WDR72: variants seen among roughly 807,000 people sequenced by gnomAD.
The protein encoded by WDR72 is WD repeat domain 72, also known as WD repeat-containing protein 72.
WDR72 carries 120 observed loss-of-function variants against 124.2 expected under a neutral mutation model. The observed-to-expected ratio is 0.97, with a 90% CI of 0.83 to 1.12. The LOEUF (loss-of-function observed/expected upper bound fraction) is 1.12, where lower values mean the gene tolerates loss of function less well. WDR72 is among the 50% of genes most tolerant of loss of function. The pLI, the probability that WDR72 is intolerant of heterozygous loss-of-function variation, is 0.00. For missense variants in WDR72, 1,387 were observed against 1,278.8 expected (o/e 1.08, Z -1.29); for synonymous variants, 452 against 441.7 (o/e 1.02, Z -0.29).
At chr15:53,711,279 CT>C in intron 8 of WDR72, 56 bp downstream of exon 8, 1 of 1,612,156 alleles carries the variant, frequency 6.2e-7, no homozygotes, top group Non-Finnish European at 8.5e-7. Context: ...CATAATAAAC[CT>C]CCCAAAGTTC....
intron 14 of WDR72, among the ~76,000 whole-genome samples, chr15:53,657,115 T>G (rs2015450344): frequency 6.6e-6 from 1 of 151,418 alleles, no homozygotes; most frequent in Non-Finnish European, 1.5e-5. Flanking sequence ...ATACAAAAAA[T>G]TAGCCGGTTG....
At position 53,722,924 on chromosome 15, in the gene WDR72, G is replaced by C; in HGVS notation, c.154-16C>G. On this transcript the variant is annotated splice_polypyrimidine_tract_variant and intron_variant, in intron 2 of 19. Transcript: ENST00000360509. The stretch of plus-strand genomic sequence containing the variant: ...TCGCTGAAATCTGAAAATAATGAGA[G>C]TGAGCTTTTAAATAATTGTAAACTG... 2 of 1,600,876 alleles carry C rather than the reference G, an allele frequency of 1.2e-6. No homozygotes were observed. Among genetic ancestry groups the C allele is most frequent in the Non-Finnish European group, 1.7e-6 (2 of 1,168,164 alleles).
chr15:53,550,670 G>A (rs1893692333), intron 18 of WDR72, among the ~76,000 whole-genome samples: 1 of 152,220 alleles, frequency 6.6e-6, no homozygotes, highest in Admixed American at 6.5e-5. Context: ...AATGGTTAGA[G>A]ACTTGCTGTA....
chr15:53,723,058 T>C, intron 2 of WDR72, 150 bp from the exon 3 acceptor site: 2 of 733,742 alleles, frequency 2.7e-6, no homozygotes, highest in South Asian at 1.6e-5. Context: ...AATAACAACA[T>C]CCACAGAGTA....
rs769465030 is a variant in WDR72 at position 53,609,604 on chromosome 15, C to A, written c.2873-12G>T. ...GGATTCATTCTTACCTAGAAATATA[C>A]AGAACACACTTGTATCTTTAGAGTA... On this transcript the variant is annotated splice_polypyrimidine_tract_variant and intron_variant, in intron 16 of 19. Transcript: ENST00000360509. 6.2e-7 allele frequency: 1 copy of A among 1,606,188 alleles called. No homozygotes were observed. Among genetic ancestry groups the A allele is most frequent in the Non-Finnish European group, 8.5e-7 (1 of 1,173,132 alleles).
intron 4 of WDR72, among the ~76,000 whole-genome samples, chr15:53,716,274 A>G (rs759256166): frequency 6.6e-6 from 1 of 152,224 alleles, no homozygotes; most frequent in Non-Finnish European, 1.5e-5. Flanking sequence ...TGTGTGCTTT[A>G]TAAGACAGCA....
chr15:53,546,905 A>G (rs1175242807), intron 18 of WDR72, among the ~76,000 whole-genome samples: 1 of 152,204 alleles, frequency 6.6e-6, no homozygotes, highest in Non-Finnish European at 1.5e-5. Context: ...TAAACAAGTA[A>G]TTCTCTGGAA....
intron 2 of WDR72, 101 bp downstream of exon 2, chr15:53,732,896 T>A: frequency 7.1e-7 from 1 of 1,407,342 alleles, no homozygotes; most frequent in Non-Finnish European, 1.0e-6. Flanking sequence ...AACATCTTTT[T>A]AACAATCATG....
At chr15:53,628,462 A>G (rs1397381117) in intron 14 of WDR72, among the ~76,000 whole-genome samples, 1 of 152,144 alleles carries the variant, frequency 6.6e-6, no homozygotes, top group East Asian at 1.9e-4. Flanking sequence ...TTATTTAATG[A>G]TTAGCCGGCA....
intron 14 of WDR72, among the ~76,000 whole-genome samples, chr15:53,660,668 T>C (rs1470959685): frequency 3.3e-5 from 5 of 152,188 alleles, no homozygotes; most frequent in Non-Finnish European, 2.9e-5. Context: ...CAATTTTATA[T>C]GCTTAGATAA....
At chr15:53,547,425 C>T (rs1713253217) in intron 18 of WDR72, among the ~76,000 whole-genome samples, 1 of 152,162 alleles carries the variant, frequency 6.6e-6, no homozygotes, top group African/African-American at 2.4e-5. Flanking sequence ...AGCCACCGTG[C>T]CTGGCCTGTT....
At chr15:53,620,502 C>G (rs915418658) in intron 14 of WDR72, among the ~76,000 whole-genome samples, 1 of 151,942 alleles carries the variant, frequency 6.6e-6, no homozygotes, top group South Asian at 2.1e-4. Context: ...TAAATACTTA[C>G]AGCCAACTGA....
At chr15:53,591,454 T>C (rs1352185571) in intron 18 of WDR72, among the ~76,000 whole-genome samples, 2 of 152,050 alleles carry the variant, frequency 1.3e-5, no homozygotes, top group Non-Finnish European at 2.9e-5. Context: ...TCTGCCTAAC[T>C]GTAGCTTCCT....
At chr15:53,655,347 C>T (rs1054711303) in intron 14 of WDR72, among the ~76,000 whole-genome samples, 1 of 144,622 alleles carries the variant, frequency 6.9e-6, no homozygotes, top group African/African-American at 2.5e-5. Flanking sequence ...TGGTAATTAA[C>T]AATTTTGGAC....
Position 53,714,502 on chromosome 15 carries a change from G to A in WDR72, c.523C>T (p.Leu175Phe), listed in dbSNP as rs767897173. Residue 175 changes from leucine (L) to phenylalanine (F), a missense_variant, in exon 6 of 20, where the codon CTC becomes TTC. Coordinates refer to ENST00000360509, the MANE Select transcript of WDR72 (RefSeq NM_182758.4). ...TCACCAGCTACTGATACCACCAAGA[G>A]AGAATCTTCTGTGAAAATAATAAAA... ...VHSMRIQEDS[L>F]LVVSVAGELK... The A allele has an allele frequency of 6.2e-7, 1 of 1,613,058 alleles. No homozygotes were observed. The highest frequency in any genetic ancestry group is 8.5e-7 in the Non-Finnish European group (1 of 1,179,150).
intron 12 of WDR72, among the ~76,000 whole-genome samples, chr15:53,700,407 C>A (rs191368047): frequency 6.6e-6 from 1 of 152,260 alleles, no homozygotes; most frequent in East Asian, 1.9e-4. Flanking sequence ...TATACAGGTT[C>A]TAATCCAAAC....
intron 14 of WDR72, among the ~76,000 whole-genome samples, chr15:53,625,783 G>A (rs573337957): frequency 7.0e-6 from 1 of 143,384 alleles, no homozygotes; most frequent in African/African-American, 2.7e-5. Flanking sequence ...AAACAGAAAG[G>A]ACCAACTGTT....
intron 13 of WDR72, among the ~76,000 whole-genome samples, chr15:53,696,880 G>A (rs1226986721): frequency 2.0e-5 from 3 of 152,172 alleles, no homozygotes; most frequent in Non-Finnish European, 4.4e-5. Flanking sequence ...TAGAAAGTTG[G>A]GCCACCAGCC....
intron 18 of WDR72, among the ~76,000 whole-genome samples, chr15:53,549,427 C>G (rs939016189): frequency 6.6e-6 from 1 of 152,138 alleles, no homozygotes; most frequent in African/African-American, 2.4e-5. Context: ...ATATACTTTA[C>G]ACATCTTGCA....
Sources: allele counts gnomAD v4.1 joint callset (sites outside exome capture counted in the v4.1 genomes callset), GRCh38; gene constraint gnomAD v4.1.1; transcripts MANE v1.5; gene names NCBI Gene and HGNC (gene_info 2026-07-23, HGNC 2026-07-21).